VAV3: variants seen among roughly 807,000 people sequenced by gnomAD.
VAV3 encodes the protein vav guanine nucleotide exchange factor 3.
A neutral mutation model predicts 131.2 loss-of-function variants in VAV3; 94 were observed. The observed-to-expected ratio is 0.72, with a 90% confidence interval of 0.61 to 0.85. The LOEUF (loss-of-function observed/expected upper bound fraction) is 0.85. Ranked by LOEUF, VAV3 falls within the 40% of genes least tolerant of loss-of-function variation. The pLI is 0.00. For synonymous variants in VAV3, 349 were observed against 342.0 expected (o/e 1.02, Z -0.22); for missense variants, 939 against 1,002.7 (o/e 0.94, Z 0.86).
chr1:107,964,977 C>T lies in VAV3; in HGVS notation c.-108G>A, dbSNP rs1412127005. 1.5e-5 allele frequency: 15 copies of T among 974,940 alleles called. No homozygotes were observed. The highest frequency in any genetic ancestry group is 1.9e-5 in the Non-Finnish European group (15 of 772,560). The allele number at this position is 974,940 out of a possible 1,614,324, so 60.4% of individuals were successfully genotyped here. ...CCCCGCCGACGCCAACAGCCGCCGG[C>T]CCTTTCCCCGCGCGGGATCGAGGGA... On this transcript the variant is annotated 5_prime_UTR_variant, in exon 1 of 27. Transcript: ENST00000370056.
chr1:107,720,486 C>T (rs1259135825), intron 15 of VAV3, among the ~76,000 whole-genome samples: 2 of 146,690 alleles, frequency 1.4e-5, no homozygotes, highest in African/African-American at 5.0e-5. Flanking sequence ...TGAGACCAGC[C>T]TGACCAACAT....
At chr1:107,596,405 C>G (rs568241527) in intron 24 of VAV3, 64 bp from the exon 25 acceptor site, 10 of 1,564,952 alleles carry the variant, frequency 6.4e-6, no homozygotes, top group South Asian at 1.2e-5. Context: ...CACATGAACT[C>G]CTGAGCACAT....
chr1:107,715,893 C>A (rs1661064284), intron 15 of VAV3, among the ~76,000 whole-genome samples: 1 of 152,122 alleles, frequency 6.6e-6, no homozygotes, highest in Non-Finnish European at 1.5e-5. Flanking sequence ...AGTTGTATCA[C>A]ATTTCAAATT....
chr1:107,905,008 C>T (rs72983447), intron 1 of VAV3, among the ~76,000 whole-genome samples: 4 of 152,094 alleles, frequency 2.6e-5, no homozygotes, highest in Non-Finnish European at 5.9e-5. Flanking sequence ...GATAGAAGAA[C>T]AACCCAGTGC....
chr1:107,779,305 C>T, intron 3 of VAV3, 129 bp downstream of exon 3: 1 of 681,000 alleles, frequency 1.5e-6, no homozygotes, highest in Non-Finnish European at 2.2e-6. Flanking sequence ...GGGATACTTA[C>T]ATACCAGGCA....
At chr1:107,887,698 A>G (rs1455592097) in intron 1 of VAV3, among the ~76,000 whole-genome samples, 5 of 152,176 alleles carry the variant, frequency 3.3e-5, no homozygotes, top group Admixed American at 6.5e-5. Context: ...GCCAGGGTGT[A>G]TAAGTGCCAC....
At chr1:107,770,868 T>C (rs983874035) in intron 5 of VAV3, 140 bp from the exon 6 acceptor site, 4 of 614,588 alleles carry the variant, frequency 6.5e-6, no homozygotes, top group African/African-American at 3.8e-5. Context: ...TCTAACTGCA[T>C]TTGTGAGGCA....
intron 12 of VAV3, among the ~76,000 whole-genome samples, chr1:107,754,287 A>G (rs1043561881): frequency 1.3e-5 from 2 of 152,340 alleles, no homozygotes; most frequent in Admixed American, 6.5e-5. Context: ...AAATGCAACT[A>G]TATGAAGAGA....
At chr1:107,956,136 C>T (rs998503017) in intron 1 of VAV3, among the ~76,000 whole-genome samples, 1 of 152,200 alleles carries the variant, frequency 6.6e-6, no homozygotes, top group African/African-American at 2.4e-5. Context: ...GGAGAGAAGG[C>T]ATCATCTATG....
chr1:107,964,515 C>A lies in VAV3; in HGVS notation c.204+151G>T, dbSNP rs529021737. The A allele has an allele frequency of 3.6e-6, 3 of 822,914 alleles. No individual in the cohort carries two copies. In the African/African-American group the frequency reaches 5.2e-5, roughly 14 times the overall value. The allele number at this position is 822,914 out of a possible 1,614,324, so 51.0% of individuals were successfully genotyped here. A position where few individuals can be genotyped will look rare whatever the true frequency, so the allele number is the denominator to read the frequency against. On this transcript the variant is annotated intron_variant, in intron 1 of 26. Transcript: ENST00000370056. ...CCATTTCAAGCCAAGGTAGGAAACG[C>A]CAAAGTGGTGCCGAAGTGGTCCCAA...
intron 10 of VAV3, among the ~76,000 whole-genome samples, chr1:107,758,021 A>G (rs906541198): frequency 6.6e-6 from 1 of 152,248 alleles, no homozygotes. Flanking sequence ...TCATTATTTC[A>G]AAGTCCCCTC....
At chr1:107,944,438 G>A (rs1674150879) in intron 1 of VAV3, among the ~76,000 whole-genome samples, 1 of 152,182 alleles carries the variant, frequency 6.6e-6, no homozygotes, top group African/African-American at 2.4e-5. Flanking sequence ...AGGTAAACAT[G>A]AGATACAGGG....
rs367977140 is a variant in VAV3 at position 107,591,060 on chromosome 1, T to C, written c.2350+5152A>G. On this transcript the variant is annotated intron_variant, in intron 25 of 26. Coordinates refer to ENST00000370056, the MANE Select transcript of VAV3 (RefSeq NM_006113.5). The stretch of plus-strand genomic sequence containing the variant: ...GTCCTTTTTCAGTTCCTTAAAAATA[T>C]GAAGTTCTCTAATGCTTATGAACCT... Among the ~76,000 whole-genome samples, 144 of 152,284 alleles carry C rather than the reference T, an allele frequency of 9.5e-4. 5 individuals are homozygous for C. The South Asian group carries it at 0.028, about 30-fold the overall frequency.
At chr1:107,840,386 A>C (rs1157640781) in intron 2 of VAV3, among the ~76,000 whole-genome samples, 17 of 152,212 alleles carry the variant, frequency 1.1e-4, no homozygotes, top group Non-Finnish European at 1.9e-4. Context: ...CCACTTAAAG[A>C]CAAGGTAGTA....
At chr1:107,899,472 C>T (rs987313486) in intron 1 of VAV3, among the ~76,000 whole-genome samples, 2 of 152,052 alleles carry the variant, frequency 1.3e-5, no homozygotes, top group African/African-American at 4.8e-5. Context: ...TTGATACGTG[C>T]TATAATGGGA....
At chr1:107,807,553 C>G (rs1285813187) in intron 2 of VAV3, among the ~76,000 whole-genome samples, 1 of 152,218 alleles carries the variant, frequency 6.6e-6, no homozygotes, top group East Asian at 1.9e-4. Context: ...GGCCACTGCA[C>G]TTGGCCTTGT....
At chr1:107,872,119 A>G (rs1359875389) in intron 2 of VAV3, among the ~76,000 whole-genome samples, 1 of 152,164 alleles carries the variant, frequency 6.6e-6, no homozygotes, top group Non-Finnish European at 1.5e-5. Context: ...CAAGAAAAAC[A>G]GGACTGAGAA....
At chr1:107,920,198 A>G (rs559330924) in intron 1 of VAV3, among the ~76,000 whole-genome samples, 2 of 152,220 alleles carry the variant, frequency 1.3e-5, no homozygotes, top group African/African-American at 4.8e-5. Flanking sequence ...GCTGAACTAG[A>G]CTAACGTATA....
chr1:107,824,880 A>G (rs1422360946), intron 2 of VAV3, among the ~76,000 whole-genome samples: 1 of 152,172 alleles, frequency 6.6e-6, no homozygotes, highest in Non-Finnish European at 1.5e-5. Flanking sequence ...CAAAAGAAAT[A>G]GAAGAACAGG....
Sources: gnomAD v4.1 joint callset for allele counts (sites outside exome capture counted in the v4.1 genomes callset) on GRCh38, gnomAD v4.1.1 for gene constraint, MANE v1.5 for transcripts, NCBI Gene and HGNC (gene_info 2026-07-23, HGNC 2026-07-21) for gene names.